Variants in PDGFRL observed in about 807,000 individuals in gnomAD.
PDGFRL encodes platelet derived growth factor receptor like, also known as platelet-derived growth factor receptor-like protein.
In PDGFRL, 46 loss-of-function variants were observed where a neutral mutation model predicts 37.2. That is an observed-to-expected ratio of 1.24 (90% CI 0.98 to 1.58). The LOEUF is 1.58. Ranked by LOEUF, PDGFRL falls within the 40% of genes most tolerant of loss-of-function variation. The pLI is 0.00. For missense variants in PDGFRL, 692 were observed against 467.6 expected (o/e 1.48, Z -4.43); for synonymous variants, 251 against 184.3 (o/e 1.36, Z -2.93).
chr8:17,580,527 C>G (rs560670565), intron 1 of PDGFRL, among the ~76,000 whole-genome samples: 1 of 152,164 alleles, frequency 6.6e-6, no homozygotes, highest in South Asian at 2.1e-4. Flanking sequence ...ATCTGGTGGT[C>G]AGAGGACTGA....
intron 2 of PDGFRL, among the ~76,000 whole-genome samples, chr8:17,592,356 C>T (rs930773696): frequency 2.4e-4 from 36 of 152,176 alleles, no homozygotes; most frequent in African/African-American, 8.4e-4. Context: ...GCTCTTCTCT[C>T]CCATCTCTGA....
chr8:17,642,494 G>T, intron 5 of PDGFRL, 119 bp from the exon 6 acceptor site: 1 of 682,568 alleles, frequency 1.5e-6, no homozygotes, highest in African/African-American at 1.8e-5. Context: ...ATACTAAACA[G>T]TCTTTTATAA....
chr8:17,640,911 G>T (rs751885035), intron 5 of PDGFRL, among the ~76,000 whole-genome samples: 12 of 151,946 alleles, frequency 7.9e-5, no homozygotes, highest in Non-Finnish European at 1.5e-4. Context: ...GGCTAGGCGT[G>T]TCTGAGCTCA....
At chr8:17,623,745 A>G (rs1804678978) in intron 3 of PDGFRL, among the ~76,000 whole-genome samples, 1 of 152,042 alleles carries the variant, frequency 6.6e-6, no homozygotes, top group South Asian at 2.1e-4. Context: ...GTGGTGGTGC[A>G]CAGTTGTGCT....
intron 2 of PDGFRL, among the ~76,000 whole-genome samples, chr8:17,593,215 T>A (rs1349335614): frequency 6.6e-6 from 1 of 152,030 alleles, no homozygotes; most frequent in Non-Finnish European, 1.5e-5. Flanking sequence ...GTATGGATAT[T>A]CTGCTTGGAA....
intron 5 of PDGFRL, among the ~76,000 whole-genome samples, chr8:17,638,849 T>G (rs1805035156): frequency 6.7e-6 from 1 of 149,136 alleles, no homozygotes; most frequent in Non-Finnish European, 1.5e-5. Flanking sequence ...TCTTTCTCTT[T>G]TTTAACTGCT....
intron 2 of PDGFRL, among the ~76,000 whole-genome samples, chr8:17,605,056 G>T (rs572105826): frequency 6.6e-6 from 1 of 152,320 alleles, no homozygotes; most frequent in African/African-American, 2.4e-5. Context: ...GGTGGAGGCT[G>T]CAGTGAGCTG....
rs1424940306 is a variant in PDGFRL, at chr8:17,588,744, G to A, written c.56-724G>A. Among the ~76,000 whole-genome samples, 4 of 152,296 alleles carry A rather than the reference G, an allele frequency of 2.6e-5. No homozygotes were observed. In the East Asian group the frequency reaches 7.7e-4, roughly 29 times the overall value. On this transcript the variant is annotated intron_variant, in intron 1 of 5. Coordinates refer to ENST00000251630, the MANE Select transcript of PDGFRL (RefSeq NM_001372073.1). The stretch of plus-strand genomic sequence containing the variant: ...TGTCCCCAGTCTCTGTGGAGCTACA[G>A]ATTTCTGTGTTTAAACAGTAGAATC...
rs143767913 is a variant in PDGFRL, at chr8:17,581,354, C to T, written c.55+4047C>T. Among the ~76,000 whole-genome samples, 9 of 152,254 alleles carry T rather than the reference C, an allele frequency of 5.9e-5. No individual in the cohort carries two copies. In the East Asian group the frequency reaches 1.2e-3, roughly 20 times the overall value. ...TGTGATGCGTGGGACGGGAGCTGGC[C>T]AAGCCTTGTAGGGCATGGGAAGATT... On this transcript the variant is annotated intron_variant, in intron 1 of 5. Transcript: ENST00000251630.
intron 1 of PDGFRL, among the ~76,000 whole-genome samples, chr8:17,586,622 T>C (rs1399941956): frequency 1.3e-5 from 2 of 152,074 alleles, no homozygotes; most frequent in East Asian, 1.9e-4. Context: ...AAGTTCATCA[T>C]AGAGATCTCA....
intron 5 of PDGFRL, among the ~76,000 whole-genome samples, chr8:17,640,621 T>C (rs1302944557): frequency 6.6e-6 from 1 of 152,150 alleles, no homozygotes; most frequent in East Asian, 1.9e-4. Context: ...CAGAGTCCTT[T>C]GATGTCTCAG....
Position 17,582,406 on chromosome 8 carries a change from A to C in PDGFRL, c.55+5099A>C, listed in dbSNP as rs189672270. ...AGACCAGCCTGGGCAACATGGTGAA[A>C]CCCTGTCTCTATTACAATACAAGAA... On this transcript the variant is annotated intron_variant, in intron 1 of 5. Coordinates refer to ENST00000251630, the MANE Select transcript of PDGFRL (RefSeq NM_001372073.1). Among the ~76,000 whole-genome samples the C allele has an allele frequency of 2.2e-4, 34 of 151,944 alleles. No individual in the cohort carries two copies. The East Asian group carries it at 5.6e-3, about 25-fold the overall frequency.
intron 5 of PDGFRL, among the ~76,000 whole-genome samples, chr8:17,638,751 ATATATATATATATATATATAT>A (rs1805026900): frequency 5.4e-5 from 3 of 55,388 alleles, no homozygotes; most frequent in Admixed American, 2.9e-4. Flanking sequence ...ATATATATAT[ATATATATATATATATATATAT>A]ATATATATAT....
intron 2 of PDGFRL, chr8:17,596,494 C>T (rs896621966): frequency 2.7e-6 from 1 of 376,882 alleles, no homozygotes; most frequent in Non-Finnish European, 4.6e-6. Context: ...CTTTGACTTC[C>T]TACACAAAGC....
In PDGFRL at chr8:17,620,557, C is replaced by T. The variant is rs190165247; in HGVS notation, c.354-494C>T. 3.0e-4 allele frequency among the ~76,000 whole-genome samples: 46 copies of T among 152,158 alleles called. 1 individual carries two copies. Among genetic ancestry groups the T allele is most frequent in the Admixed American group, 1.8e-3 (28 of 15,268 alleles). On this transcript the variant is annotated intron_variant, in intron 2 of 5. Transcript: ENST00000251630. ...TTATACATCATTATTAGCTAAAGTC[C>T]GTAGTTTAAGTTAGGGTTCACATCT...
intron 2 of PDGFRL, among the ~76,000 whole-genome samples, chr8:17,597,363 A>G (rs73666194): frequency 0.14 from 21,919 of 152,160 alleles, 4,218 homozygotes; most frequent in African/African-American, 0.43. Flanking sequence ...TTCTGGAAGC[A>G]CGACCACATT....
At chr8:17,639,351 G>T in intron 5 of PDGFRL, among the ~76,000 whole-genome samples, 1 of 151,872 alleles carries the variant, frequency 6.6e-6, no homozygotes, top group East Asian at 1.9e-4. Context: ...TTTATTTATT[G>T]TGTTTTTGTT....
chr8:17,593,621 ATAGTGACTCATGC>A (rs1393059163), intron 2 of PDGFRL, among the ~76,000 whole-genome samples: 8 of 151,318 alleles, frequency 5.3e-5, no homozygotes, highest in African/African-American at 1.9e-4. Context: ...AATTCTTGGC[ATAGTGACTCATGC>A]CTGTAATCCC....
chr8:17,591,735 T>A (rs774221623), intron 2 of PDGFRL, among the ~76,000 whole-genome samples: 1 of 152,002 alleles, frequency 6.6e-6, no homozygotes, highest in Non-Finnish European at 1.5e-5. Context: ...TAGCCAACAT[T>A]GTGAAACCCC....
Sources: gnomAD v4.1 joint callset for allele counts (sites outside exome capture counted in the v4.1 genomes callset) on GRCh38, gnomAD v4.1.1 for gene constraint, MANE v1.5 for transcripts, NCBI Gene and HGNC (gene_info 2026-07-23, HGNC 2026-07-21) for gene names.